Variants in CSTF3 observed in about 807,000 individuals in gnomAD.
CSTF3 encodes cleavage stimulation factor subunit 3, also known as CF-1 77 kDa subunit.
Under a neutral mutation model 105.8 loss-of-function variants are expected in CSTF3, and 29 were observed. The observed-to-expected ratio is 0.27, with a 90% CI of 0.20 to 0.37. The LOEUF (loss-of-function observed/expected upper bound fraction) is 0.37. Among genes scored for constraint, CSTF3 ranks in the 10% least tolerant of loss-of-function variants. CSTF3 has a pLI of 1.00. For synonymous variants in CSTF3, 252 were observed against 281.9 expected (o/e 0.89, Z 1.06); for missense variants, 357 against 879.3 (o/e 0.41, Z 7.51).
In CSTF3 at chr11:33,161,338, T is replaced by C; in HGVS notation, c.-13A>G. On this transcript the variant is annotated 5_prime_UTR_variant, in exon 1 of 21. Transcript: ENST00000323959. Reference sequence around the variant, plus strand: ...CGTCTCCTGACATGGCCTCAGCTGATTACAACGTGCGCACTGACCGTCGAT... The same window carrying C: ...CGTCTCCTGACATGGCCTCAGCTGACTACAACGTGCGCACTGACCGTCGAT... 1.2e-6 allele frequency: 2 copies of C among 1,612,334 alleles called. No homozygotes were observed. The highest frequency in any genetic ancestry group is 1.7e-6 in the Non-Finnish European group (2 of 1,179,946).
At position 33,085,930 on chromosome 11, in the gene CSTF3, AAAC is replaced by A; in HGVS notation, c.1852_1854del (p.Val618del). The A allele has an allele frequency of 6.4e-7, 1 of 1,552,412 alleles. No homozygotes were observed. The highest frequency in any genetic ancestry group is 8.7e-7 in the Non-Finnish European group (1 of 1,153,002). On this transcript the variant is annotated inframe_deletion, in exon 19 of 21. Coordinates refer to ENST00000323959, the MANE Select transcript of CSTF3 (RefSeq NM_001326.3). ...ATAGGAGGAGGGAGAAGTTTCATTA[AAAC>A]AACAGCTGCAGGAGGGACTGGGAAC...
At chr11:33,116,184 A>G (rs1006912025) in intron 3 of CSTF3, among the ~76,000 whole-genome samples, 10 of 152,188 alleles carry the variant, frequency 6.6e-5, no homozygotes, top group African/African-American at 2.4e-4. Context: ...AATTCCTTGT[A>G]CTAACCATTA....
chr11:33,097,949 T>C (rs762359818), intron 13 of CSTF3, among the ~76,000 whole-genome samples: 2 of 152,184 alleles, frequency 1.3e-5, no homozygotes, highest in Non-Finnish European at 2.9e-5. Flanking sequence ...AGGAATTTCA[T>C]CTAGTTTGTC....
chr11:33,136,136 A>G (rs993699149), intron 3 of CSTF3: 1 of 152,520 alleles, frequency 6.6e-6, no homozygotes, highest in Non-Finnish European at 1.5e-5. Flanking sequence ...CCTGAGTCTT[A>G]GAAAAGCAGC....
chr11:33,131,889 G>T (rs1041246589), intron 3 of CSTF3, among the ~76,000 whole-genome samples: 3 of 152,104 alleles, frequency 2.0e-5, no homozygotes, highest in South Asian at 2.1e-4. Flanking sequence ...TTTTAAGTGT[G>T]ATAATGGTAT....
chr11:33,089,344 C>CAA (rs71034649), intron 17 of CSTF3, among the ~76,000 whole-genome samples: 1,991 of 123,904 alleles, frequency 0.016, 18 homozygotes, highest in Middle Eastern at 0.061. Context: ...GAGACCATCT[C>CAA]AAAAAAAAAA....
intron 3 of CSTF3, among the ~76,000 whole-genome samples, chr11:33,129,798 A>T (rs1855580364): frequency 3.9e-5 from 6 of 152,374 alleles, no homozygotes; most frequent in African/African-American, 1.4e-4. Flanking sequence ...AATACACTAA[A>T]GTAAAATTCC....
chr11:33,108,099 T>G, intron 4 of CSTF3, 99 bp from the exon 5 acceptor site: 2 of 706,616 alleles, frequency 2.8e-6, no homozygotes, highest in Non-Finnish European at 4.4e-6. Context: ...GCTCCCTTTA[T>G]GAATTTATCT....
chr11:33,120,858 G>A (rs1027460730), intron 3 of CSTF3, among the ~76,000 whole-genome samples: 14 of 151,826 alleles, frequency 9.2e-5, no homozygotes, highest in African/African-American at 3.4e-4. Context: ...TTACAGAAAG[G>A]TCTTTATGAG....
intron 1 of CSTF3, among the ~76,000 whole-genome samples, chr11:33,154,271 A>T (rs539169780): frequency 4.9e-4 from 75 of 152,300 alleles, no homozygotes; most frequent in African/African-American, 1.7e-3. Flanking sequence ...GCTCCACTTT[A>T]AGAAATATGT....
chr11:33,091,171 T>G (rs1357758899), intron 16 of CSTF3, among the ~76,000 whole-genome samples: 5 of 152,338 alleles, frequency 3.3e-5, no homozygotes, highest in Non-Finnish European at 5.9e-5. Context: ...GGAATTATAA[T>G]GTAGAATACA....
chr11:33,085,920 A>C lies in CSTF3; in HGVS notation c.1865T>G (p.Leu622Arg), dbSNP rs778674552. ...CTGGAAACAGATAGGAGGAGGGAGA[A>C]GTTTCATTAAAACAACAGCTGCAGG... ...VPPAAVVLMK[L>R]LPPPICFQGP... The change falls in exon 19 of 21, where the codon CTT becomes CGT. Residue 622 changes from leucine to arginine, a missense_variant. This residue lies in a region of CSTF3 where 206 missense variants were observed against 576.5 expected (regional missense o/e 0.36). Coordinates refer to ENST00000323959, the MANE Select transcript of CSTF3 (RefSeq NM_001326.3). 6 of 1,555,934 alleles carry C rather than the reference A, an allele frequency of 3.9e-6. No individual in the cohort carries two copies. The highest frequency in any genetic ancestry group is 5.2e-6 in the Non-Finnish European group (6 of 1,154,490).
At chr11:33,127,012 TAAAGCAGCTAGC>T (rs1855550372) in intron 3 of CSTF3, among the ~76,000 whole-genome samples, 1 of 151,856 alleles carries the variant, frequency 6.6e-6, no homozygotes, top group South Asian at 2.1e-4. Context: ...CTGAAGAAAG[TAAAGCAGCTAGC>T]AAAGCAGCTA....
chr11:33,147,576 C>CAA (rs549719369), intron 1 of CSTF3, among the ~76,000 whole-genome samples: 4 of 126,324 alleles, frequency 3.2e-5, no homozygotes, highest in Non-Finnish European at 3.4e-5. Context: ...GACTTAGTCT[C>CAA]AAAAAAAAAA....
intron 17 of CSTF3, among the ~76,000 whole-genome samples, chr11:33,089,449 G>A (rs1381879022): frequency 2.6e-5 from 4 of 152,034 alleles, no homozygotes; most frequent in Non-Finnish European, 4.4e-5. Flanking sequence ...TTGAGGACCC[G>A]CTGTGTATCA....
intron 1 of CSTF3, among the ~76,000 whole-genome samples, chr11:33,152,129 C>A (rs1849790525): frequency 6.6e-6 from 1 of 152,120 alleles, no homozygotes. Context: ...GTGACAGGCA[C>A]CTGTAATCCC....
At chr11:33,110,263 A>G (rs1227966159) in intron 3 of CSTF3, among the ~76,000 whole-genome samples, 1 of 152,160 alleles carries the variant, frequency 6.6e-6, no homozygotes, top group African/African-American at 2.4e-5. Flanking sequence ...GTAGGCAGCA[A>G]ACAAGCTGCT....
At chr11:33,142,321 C>T (rs565038775) in intron 1 of CSTF3, among the ~76,000 whole-genome samples, 47 of 108,670 alleles carry the variant, frequency 4.3e-4, no homozygotes, top group Non-Finnish European at 9.2e-4. Context: ...TATTATATGA[C>T]GTTATTATAA....
chr11:33,156,039 C>G (rs758341260), intron 1 of CSTF3, among the ~76,000 whole-genome samples: 4 of 152,132 alleles, frequency 2.6e-5, no homozygotes, highest in Non-Finnish European at 5.9e-5. Flanking sequence ...TGCTGTATCT[C>G]TAAGAAAAAC....
Sources: allele counts gnomAD v4.1 joint callset (sites outside exome capture counted in the v4.1 genomes callset), GRCh38; gene constraint gnomAD v4.1.1; regional missense constraint gnomAD v4.1.1; transcripts MANE v1.5; gene names NCBI Gene and HGNC (gene_info 2026-07-23, HGNC 2026-07-21).